Variants in MIOS observed in about 807,000 individuals in gnomAD.
MIOS encodes the protein meiosis regulator for oocyte development, also known as GATOR2 complex protein MIOS.
In MIOS, 52 loss-of-function variants were observed where a neutral mutation model predicts 96.9. The observed-to-expected ratio is 0.54, with a 90% CI of 0.43 to 0.68. The LOEUF is 0.68. Ranked by LOEUF, MIOS falls within the 30% of genes least tolerant of loss-of-function variation. The pLI is 0.00. For missense variants in MIOS, 1,005 were observed against 1,052.8 expected (o/e 0.95, Z 0.63); for synonymous variants, 397 against 359.5 (o/e 1.10, Z -1.18).
intron 9 of MIOS, among the ~76,000 whole-genome samples, chr7:7,591,864 G>A (rs1002734798): frequency 5.3e-5 from 8 of 151,924 alleles, no homozygotes; most frequent in African/African-American, 1.7e-4. Context: ...ATCTTATTCG[G>A]TTTTTCTTCT....
At chr7:7,599,103 G>T (rs1187796357) in intron 11 of MIOS, among the ~76,000 whole-genome samples, 1 of 151,928 alleles carries the variant, frequency 6.6e-6, no homozygotes, top group African/African-American at 2.4e-5. Context: ...ATAAATACTG[G>T]TCTACAATGC....
intron 3 of MIOS, among the ~76,000 whole-genome samples, chr7:7,570,215 G>T (rs1783305499): frequency 6.6e-6 from 1 of 152,132 alleles, no homozygotes; most frequent in African/African-American, 2.4e-5. Context: ...TCCTCTGTGT[G>T]GTAGCACTTG....
At chr7:7,594,547 G>A (rs1183486778) in intron 9 of MIOS, among the ~76,000 whole-genome samples, 3 of 152,068 alleles carry the variant, frequency 2.0e-5, no homozygotes, top group African/African-American at 7.2e-5. Flanking sequence ...CGCCTACCTC[G>A]GCCTTCCAAA....
chr7:7,603,568 G>C (rs1235695691), intron 11 of MIOS, among the ~76,000 whole-genome samples: 1 of 152,192 alleles, frequency 6.6e-6, no homozygotes, highest in Non-Finnish European at 1.5e-5. Context: ...AACAACAGGT[G>C]TTGGAGAGGA....
intron 11 of MIOS, among the ~76,000 whole-genome samples, chr7:7,599,025 C>T (rs1784294822): frequency 6.6e-6 from 1 of 151,834 alleles, no homozygotes; most frequent in Non-Finnish European, 1.5e-5. Context: ...AATCAAAGAA[C>T]CTCTTGGAGC....
In MIOS at chr7:7,589,517, T is replaced by C. The variant is rs779455307; in HGVS notation, c.1997T>C (p.Val666Ala). The C allele has an allele frequency of 1.2e-6, 2 of 1,613,078 alleles. No individual in the cohort carries two copies. Among genetic ancestry groups the C allele is most frequent in the African/African-American group, 1.3e-5 (1 of 74,900 alleles). The change falls in exon 9 of 13, where the codon GTT (valine) becomes GCT (alanine). Residue 666 changes from valine (V) to alanine (A), a missense_variant. By Grantham distance (64) the Val-to-Ala change is moderately conservative. Around this residue, in one of 3 missense-constraint regions of MIOS, gnomAD observed 865 missense variants for 887.9 expected, o/e 0.97. Transcript: ENST00000340080. ...KDGVDLMESY[V>A]DRTGDVQTAS... ...GGAGTGGACTTAATGGAGAGTTATG[T>C]TGATAGAACTGGAGATGTTCAAACA...
At chr7:7,574,456 A>AT (rs1271961516) in intron 5 of MIOS, among the ~76,000 whole-genome samples, 2 of 152,138 alleles carry the variant, frequency 1.3e-5, no homozygotes, top group Admixed American at 6.6e-5. Flanking sequence ...ATTCAATGTT[A>AT]TTTTTTTGAA....
intron 12 of MIOS, 82 bp downstream of exon 12, chr7:7,606,153 A>C (rs149468317): frequency 2.6e-6 from 4 of 1,523,822 alleles, no homozygotes; most frequent in Non-Finnish European, 3.6e-6. Context: ...GGGTTTATCT[A>C]TTAGCATTTA....
intron 11 of MIOS, among the ~76,000 whole-genome samples, chr7:7,600,746 C>G (rs1337959829): frequency 6.6e-6 from 1 of 152,154 alleles, no homozygotes; most frequent in Non-Finnish European, 1.5e-5. Context: ...CTCTCCACCC[C>G]AAATCAACAG....
chr7:7,589,198 G>A (rs560570245), intron 8 of MIOS, among the ~76,000 whole-genome samples: 2 of 152,100 alleles, frequency 1.3e-5, no homozygotes, highest in Admixed American at 1.3e-4. Flanking sequence ...CATAATAAAT[G>A]CCTTTTTAAA....
intron 11 of MIOS, among the ~76,000 whole-genome samples, chr7:7,599,592 TA>T (rs1210943170): frequency 6.6e-6 from 1 of 152,080 alleles, no homozygotes; most frequent in Non-Finnish European, 1.5e-5. Context: ...AAACATGAAC[TA>T]GGGTGAAGAG....
chr7:7,594,525 C>T (rs766258143), intron 9 of MIOS, among the ~76,000 whole-genome samples: 4 of 152,124 alleles, frequency 2.6e-5, no homozygotes, highest in African/African-American at 4.8e-5. Flanking sequence ...GAACTCCTGA[C>T]GTCAAGTGAT....
intron 3 of MIOS, among the ~76,000 whole-genome samples, chr7:7,570,989 A>G (rs1189215310): frequency 6.6e-6 from 1 of 152,206 alleles, no homozygotes; most frequent in Non-Finnish European, 1.5e-5. Flanking sequence ...AACTTTTGCA[A>G]GATCAAAAAG....
Position 7,596,357 on chromosome 7 carries a change from C to T in MIOS, c.2297C>T (p.Ser766Leu), listed in dbSNP as rs775773964. 1 of 1,614,124 alleles carries T rather than the reference C, an allele frequency of 6.2e-7. No homozygotes were observed. Among genetic ancestry groups the T allele is most frequent in the Admixed American group, 1.7e-5 (1 of 60,016 alleles). ...TTTAGTCAGTATGGTGTGAGTGGCT[C>T]ACCAACGAAATCTAAAGTCACAAGT... is the stretch of plus-strand genomic sequence containing the variant. ...RGFSQYGVSG[S>L]PTKSKVTSCP... Residue 766 changes from serine (S) to leucine (L), a missense_variant, in exon 11 of 13, where the codon TCA becomes TTA. By Grantham distance (145) the Ser-to-Leu change is moderately radical. Transcript: ENST00000340080.
chr7:7,571,086 A>G (rs1783336937), intron 3 of MIOS, among the ~76,000 whole-genome samples: 1 of 152,226 alleles, frequency 6.6e-6, no homozygotes, highest in South Asian at 2.1e-4. Flanking sequence ...AAGGATAGAG[A>G]GGTAAGTGAA....
chr7:7,585,251 G>A (rs1178624317), intron 6 of MIOS, among the ~76,000 whole-genome samples: 1 of 152,026 alleles, frequency 6.6e-6, no homozygotes, highest in Admixed American at 6.6e-5. Flanking sequence ...ACATACACAG[G>A]AATAACTTAT....
At chr7:7,568,696 C>G (rs547159880) in intron 3 of MIOS, among the ~76,000 whole-genome samples, 2 of 152,322 alleles carry the variant, frequency 1.3e-5, no homozygotes, top group South Asian at 2.1e-4. Context: ...TCCTGCATAT[C>G]GTGTAGCTGA....
intron 9 of MIOS, among the ~76,000 whole-genome samples, chr7:7,592,078 T>G (rs953769475): frequency 6.6e-6 from 1 of 152,088 alleles, no homozygotes; most frequent in East Asian, 1.9e-4. Flanking sequence ...CCTCCCAGGT[T>G]CAAGCATTCG....
chr7:7,605,855 G>T, intron 11 of MIOS, 87 bp from the exon 12 acceptor site: 1 of 1,324,436 alleles, frequency 7.6e-7, no homozygotes, highest in Non-Finnish European at 1.0e-6. Context: ...TTCATATTTG[G>T]AACACAGTTT....
Sources: allele counts gnomAD v4.1 joint callset (sites outside exome capture counted in the v4.1 genomes callset), GRCh38; gene constraint gnomAD v4.1.1; regional missense constraint gnomAD v4.1.1; transcripts MANE v1.5; gene names NCBI Gene and HGNC (gene_info 2026-07-23, HGNC 2026-07-21).